STAU2: variants seen among roughly 807,000 people sequenced by gnomAD.
STAU2 encodes the protein double-stranded RNA-binding protein Staufen homolog 2.
STAU2 carries 20 observed loss-of-function variants against 65.9 expected under a neutral mutation model. That is an observed-to-expected ratio of 0.30 (90% CI 0.21 to 0.44). The LOEUF is 0.44. Among genes scored for constraint, STAU2 ranks in the 20% least tolerant of loss-of-function variants. The pLI is 1.00. For missense variants in STAU2, 558 were observed against 683.9 expected (o/e 0.82, Z 2.05); for synonymous variants, 232 against 233.9 (o/e 0.99, Z 0.07).
At chr8:73,690,328 C>CAAAAAAAAAAAAAAAAAA (rs56744849) in intron 4 of STAU2, among the ~76,000 whole-genome samples, 1 of 58,250 alleles carries the variant, frequency 1.7e-5, no homozygotes, top group Non-Finnish European at 3.3e-5. Context: ...GACTCTGTCT[C>CAAAAAAAAAAAAAAAAAA]AAAAAAAAAA....
At chr8:73,435,831 G>C (rs1817643864) in intron 13 of STAU2, among the ~76,000 whole-genome samples, 1 of 151,796 alleles carries the variant, frequency 6.6e-6, no homozygotes, top group South Asian at 2.1e-4. Flanking sequence ...CCACAATTGG[G>C]GTTTTGCCTA....
At chr8:73,568,644 G>C (rs1000477368) in intron 12 of STAU2, among the ~76,000 whole-genome samples, 1 of 151,944 alleles carries the variant, frequency 6.6e-6, no homozygotes, top group Non-Finnish European at 1.5e-5. Flanking sequence ...CTGGCACATA[G>C]ATAGTTAGAT....
At chr8:73,600,347 GC>G (rs895610332) in intron 10 of STAU2, among the ~76,000 whole-genome samples, 18 of 152,180 alleles carry the variant, frequency 1.2e-4, no homozygotes, top group Admixed American at 1.2e-3. Context: ...ATATTTCATT[GC>G]CTTTTTTTCT....
rs566598563 is a variant in STAU2 at position 73,681,941 on chromosome 8, T to C, written c.274+6713A>G. Among the ~76,000 whole-genome samples the C allele has an allele frequency of 4.5e-4, 68 of 152,180 alleles. 2 individuals carry two copies. Among genetic ancestry groups the C allele is most frequent in the Admixed American group, 1.0e-3 (16 of 15,280 alleles). ...CAGGAAAATATCACAATCCTAAATA[T>C]AAATGCACCTAACACTGGAGTTCCC... On this transcript the variant is annotated intron_variant, in intron 5 of 14. Coordinates refer to ENST00000524300, the MANE Select transcript of STAU2 (RefSeq NM_001164380.2).
chr8:73,570,386 C>T (rs148362795), intron 12 of STAU2, among the ~76,000 whole-genome samples: 107 of 152,104 alleles, frequency 7.0e-4, no homozygotes, highest in African/African-American at 1.7e-3. Flanking sequence ...GGAAAACACT[C>T]TGCAGGATAT....
chr8:73,747,315 A>G (rs901034567), upstream of STAU2: 12 of 1,509,546 alleles, frequency 7.9e-6, no homozygotes, highest in Non-Finnish European at 9.7e-6. Flanking sequence ...CAACTCGGCA[A>G]CTTCCTTCCC....
In STAU2 at chr8:73,666,460, C is replaced by T. The variant is rs1348666807; in HGVS notation, c.410+6647G>A. On this transcript the variant is annotated intron_variant, in intron 6 of 14. Coordinates refer to ENST00000524300, the MANE Select transcript of STAU2 (RefSeq NM_001164380.2). ...ATTTCCGTGTCTCACAGATTTATTT[C>T]ACAGGGGTACAATGAAAAACCAAGA... 2.0e-5 allele frequency among the ~76,000 whole-genome samples: 3 copies of T among 152,164 alleles called. No individual in the cohort carries two copies. In the East Asian group the frequency reaches 5.8e-4, roughly 29 times the overall value.
intron 3 of STAU2, among the ~76,000 whole-genome samples, chr8:73,720,669 C>T (rs1241892944): frequency 1.7e-5 from 2 of 115,110 alleles, no homozygotes; most frequent in South Asian, 3.4e-4. Context: ...CCCGCCACCG[C>T]GCCCGGCTAA....
At position 73,595,229 on chromosome 8, in the gene STAU2, T is replaced by A. The variant is rs764643921; in HGVS notation, c.1098A>T (p.Ala366=). 1 of 1,612,210 alleles carries A rather than the reference T, an allele frequency of 6.2e-7. No homozygotes were observed. The highest frequency in any genetic ancestry group is 8.5e-7 in the Non-Finnish European group (1 of 1,179,286). Residue 366 remains alanine, a synonymous_variant, in exon 11 of 15, where the codon GCA becomes GCT. Coordinates refer to ENST00000524300, the MANE Select transcript of STAU2 (RefSeq NM_001164380.2). ...AACCAAGTTGTAACAGCATTGCTTC[T>A]GCAGCATTTTTTTTGGCTATCTTTT... ...PNKKIAKKNA[A]EAMLLQLGYK... is the part of the protein sequence containing the mutation.
At chr8:73,449,953 G>C (rs945074731) in intron 13 of STAU2, among the ~76,000 whole-genome samples, 1 of 152,196 alleles carries the variant, frequency 6.6e-6, no homozygotes, top group Non-Finnish European at 1.5e-5. Flanking sequence ...TTCCCCACCA[G>C]GGCTACAGGG....
chr8:73,481,236 T>A (rs1377339143), intron 13 of STAU2, among the ~76,000 whole-genome samples: 1 of 152,024 alleles, frequency 6.6e-6, no homozygotes, highest in East Asian at 1.9e-4. Context: ...ACACACATTT[T>A]TACCACCTAG....
At position 73,460,089 on chromosome 8, in the gene STAU2, A is replaced by C. The variant is rs377108205; in HGVS notation, c.1531-37387T>G. Among the ~76,000 whole-genome samples the C allele has an allele frequency of 7.9e-4, 121 of 152,278 alleles. 1 individual carries two copies. In the South Asian group the frequency reaches 0.024, roughly 30 times the overall value. On this transcript the variant is annotated intron_variant, in intron 13 of 14. Transcript: ENST00000524300. ...CTACTCAGCAGTGGCTGCCAACCCA[A>C]GCTCAGATGCAATTCAAGTTATGTA...
chr8:73,747,330 C>T (rs1193601793), upstream of STAU2: 2 of 1,523,170 alleles, frequency 1.3e-6, no homozygotes, highest in South Asian at 1.2e-5. Flanking sequence ...CTTCCCCGCC[C>T]GACTGACCGT....
At chr8:73,448,606 C>T (rs7833409) in intron 13 of STAU2, among the ~76,000 whole-genome samples, 13,606 of 152,212 alleles carry the variant, frequency 0.089, 1,220 homozygotes, top group African/African-American at 0.24. Flanking sequence ...CTTAAAAGGA[C>T]TGAGCGACAC....
intron 12 of STAU2, among the ~76,000 whole-genome samples, chr8:73,577,638 G>C (rs1809674435): frequency 6.6e-6 from 1 of 151,992 alleles, no homozygotes; most frequent in Non-Finnish European, 1.5e-5. Flanking sequence ...AAAGAAATGG[G>C]CCTAAGCTCT....
intron 13 of STAU2, among the ~76,000 whole-genome samples, chr8:73,429,481 G>T (rs1160563114): frequency 8.0e-6 from 1 of 124,544 alleles, no homozygotes; most frequent in Admixed American, 1.0e-4. Context: ...TGCTCACGCT[G>T]GAGTGCAGTG....
chr8:73,715,774 A>G (rs1249683018), intron 3 of STAU2, among the ~76,000 whole-genome samples: 1 of 152,190 alleles, frequency 6.6e-6, no homozygotes, highest in East Asian at 1.9e-4. Flanking sequence ...AAATATTATT[A>G]TTTACCAAAA....
At chr8:73,527,746 G>A in intron 13 of STAU2, 2 of 1,536,720 alleles carry the variant, frequency 1.3e-6, no homozygotes, top group Non-Finnish European at 1.7e-6. Flanking sequence ...CATCTGCACA[G>A]GGGCTAATGT....
chr8:73,729,566 G>A (rs1000059742), intron 3 of STAU2, among the ~76,000 whole-genome samples: 3 of 151,912 alleles, frequency 2.0e-5, no homozygotes, highest in Non-Finnish European at 2.9e-5. Context: ...ATATGGTACT[G>A]GACTTCTGAT....
Sources: gnomAD v4.1 joint callset for allele counts (sites outside exome capture counted in the v4.1 genomes callset) on GRCh38, gnomAD v4.1.1 for gene constraint, MANE v1.5 for transcripts, NCBI Gene and HGNC (gene_info 2026-07-23, HGNC 2026-07-21) for gene names.